Variants in SCHIP1 observed in about 807,000 individuals in gnomAD.
SCHIP1 encodes schwannomin-interacting protein 1.
In SCHIP1, 8 loss-of-function variants were observed where a neutral mutation model predicts 29.7. The ratio of observed to expected loss-of-function variants is 0.27; its 90% CI spans 0.16 to 0.49. The LOEUF (loss-of-function observed/expected upper bound fraction) is 0.49. Among genes scored for constraint, SCHIP1 ranks in the 20% least tolerant of loss-of-function variants. The pLI, the probability that SCHIP1 is intolerant of heterozygous loss-of-function variation, is 0.99. For synonymous variants in SCHIP1, 76 were observed against 94.9 expected (o/e 0.80, Z 1.16); for missense variants, 193 against 294.6 (o/e 0.66, Z 2.52).
the SCHIP1 span, among the ~76,000 whole-genome samples, chr3:159,423,487 C>T: frequency 5.2e-4 from 79 of 152,300 alleles, no homozygotes; most frequent in African/African-American, 7.2e-4. Context: ...AACTGCAAGG[C>T]GGCAGCGAGG....
the SCHIP1 span, among the ~76,000 whole-genome samples, chr3:159,539,155 T>C: frequency 6.6e-6 from 1 of 152,140 alleles, no homozygotes; most frequent in Admixed American, 6.6e-5. Flanking sequence ...GCAGTGCCCA[T>C]TGAAAGTTAA....
chr3:159,841,601 A>G (rs574279078), intron 1 of SCHIP1, among the ~76,000 whole-genome samples: 1 of 152,332 alleles, frequency 6.6e-6, no homozygotes, highest in South Asian at 2.1e-4. Flanking sequence ...GCAAACTACT[A>G]TAAGATTATT....
intron 6 of SCHIP1, chr3:159,893,652 T>C (rs1468360055): frequency 6.6e-6 from 1 of 152,196 alleles, no homozygotes; most frequent in African/African-American, 2.4e-5. Context: ...AGTGTTAGGC[T>C]AATACTTAGG....
At chr3:159,659,824 T>A in the SCHIP1 span, among the ~76,000 whole-genome samples, 1 of 152,162 alleles carries the variant, frequency 6.6e-6, no homozygotes, top group African/African-American at 2.4e-5. Context: ...GTGGCATGAA[T>A]AATTCAAATA....
At chr3:159,351,101 A>T in the SCHIP1 span, among the ~76,000 whole-genome samples, 1 of 152,146 alleles carries the variant, frequency 6.6e-6, no homozygotes, top group Non-Finnish European at 1.5e-5. Context: ...TTCTCAGACA[A>T]CCAATGGAGG....
the SCHIP1 span, among the ~76,000 whole-genome samples, chr3:159,755,143 G>A: frequency 3.6e-4 from 55 of 152,250 alleles, no homozygotes; most frequent in Non-Finnish European, 5.1e-4. Flanking sequence ...GCTGAGGCAG[G>A]AGAATGGCAA....
chr3:159,813,188 G>T, the SCHIP1 span, among the ~76,000 whole-genome samples: 1 of 152,046 alleles, frequency 6.6e-6, no homozygotes, highest in African/African-American at 2.4e-5. Flanking sequence ...TATCTATTTT[G>T]TACTCACTAT....
the SCHIP1 span, among the ~76,000 whole-genome samples, chr3:159,560,923 G>A: frequency 1.2e-4 from 18 of 152,234 alleles, no homozygotes; most frequent in East Asian, 1.7e-3. Flanking sequence ...CAGCTTTTTC[G>A]TTAATGAACC....
At chr3:159,484,342 G>T in the SCHIP1 span, among the ~76,000 whole-genome samples, 1 of 152,188 alleles carries the variant, frequency 6.6e-6, no homozygotes, top group Non-Finnish European at 1.5e-5. Context: ...ACTGAAAAGT[G>T]AAAAACTCAA....
chr3:159,811,076 C>A, the SCHIP1 span, among the ~76,000 whole-genome samples: 2 of 152,160 alleles, frequency 1.3e-5, no homozygotes, highest in African/African-American at 2.4e-5. Flanking sequence ...AGCACCTTTT[C>A]AAATGCTTAT....
At chr3:159,676,542 C>T in the SCHIP1 span, among the ~76,000 whole-genome samples, 1 of 152,154 alleles carries the variant, frequency 6.6e-6, no homozygotes, top group African/African-American at 2.4e-5. Flanking sequence ...CCTTAAACAA[C>T]ACAAAGAATA....
At chr3:159,441,517 A>G in the SCHIP1 span, among the ~76,000 whole-genome samples, 1 of 152,072 alleles carries the variant, frequency 6.6e-6, no homozygotes, top group Non-Finnish European at 1.5e-5. Flanking sequence ...GAGGAGAAGT[A>G]GAGAGCTGGG....
chr3:159,670,011 A>G, the SCHIP1 span, among the ~76,000 whole-genome samples: 1 of 152,216 alleles, frequency 6.6e-6, no homozygotes, highest in Non-Finnish European at 1.5e-5. Flanking sequence ...GAGATTTTCC[A>G]GGCCACGATT....
chr3:159,416,660 T>C, the SCHIP1 span, among the ~76,000 whole-genome samples: 1 of 152,242 alleles, frequency 6.6e-6, no homozygotes, highest in South Asian at 2.1e-4. Flanking sequence ...CATCCTTGAG[T>C]AAATTTAAAT....
At chr3:159,856,629 G>A (rs1347332461) in intron 1 of SCHIP1, among the ~76,000 whole-genome samples, 1 of 152,232 alleles carries the variant, frequency 6.6e-6, no homozygotes, top group Non-Finnish European at 1.5e-5. Context: ...CACAGAATCA[G>A]GGAGCTGACA....
the SCHIP1 span, among the ~76,000 whole-genome samples, chr3:159,405,951 G>A: frequency 3.1e-4 from 47 of 150,870 alleles, no homozygotes; most frequent in African/African-American, 1.0e-3. Context: ...AGAATAAAAC[G>A]TGCCTAAAAA....
chr3:159,275,205 A>C, the SCHIP1 span: 1 of 422,200 alleles, frequency 2.4e-6, no homozygotes, highest in African/African-American at 2.2e-5. Context: ...GTTTTTGAAA[A>C]GAATGAAAGG....
At chr3:159,273,687 T>C in the SCHIP1 span, 56 of 1,457,854 alleles carry the variant, frequency 3.8e-5, no homozygotes, top group Non-Finnish European at 4.7e-5. Flanking sequence ...GCATCACTTA[T>C]TTAGTGTGTG....
the SCHIP1 span, among the ~76,000 whole-genome samples, chr3:159,289,370 C>T: frequency 6.6e-6 from 1 of 152,088 alleles, no homozygotes. Flanking sequence ...TTGCCTCAGC[C>T]ACACCAGCCT....
Sources: allele counts gnomAD v4.1 joint callset (sites outside exome capture counted in the v4.1 genomes callset), GRCh38; gene constraint gnomAD v4.1.1; transcripts MANE v1.5; gene names NCBI Gene and HGNC (gene_info 2026-07-23, HGNC 2026-07-21).